MC5R: variants seen among roughly 807,000 people sequenced by gnomAD.
MC5R encodes melanocortin receptor 5.
For missense variants in MC5R, 420 were observed against 431.4 expected (o/e 0.97, Z 0.23); for synonymous variants, 167 against 164.4 (o/e 1.02, Z -0.12).
Position 13,826,748 on chromosome 18 carries a change from A to G in MC5R, c.*5A>G. ...AGCTTTCCCAGAAGGGATTAAGCACAAAGTGCTCCTCTCTGTGGCTCTGTT... is the reference window on the plus strand; with the variant it reads ...AGCTTTCCCAGAAGGGATTAAGCACGAAGTGCTCCTCTCTGTGGCTCTGTT... On this transcript the variant is annotated 3_prime_UTR_variant, in exon 2 of 2. Coordinates refer to ENST00000589410, the MANE Select transcript of MC5R (RefSeq NM_005913.3). The G allele has an allele frequency of 1.3e-6, 2 of 1,598,916 alleles. No individual in the cohort carries two copies. Among genetic ancestry groups the G allele is most frequent in the African/African-American group, 1.3e-5 (1 of 74,812 alleles).
chr18:13,824,230 C>T lies in MC5R; in HGVS notation c.-84C>T, dbSNP rs1260451159. Reference sequence around the variant, plus strand: ...GCACGGCCGTCGGATCCCGGGGACGCCGGGGGCCCGGGCTGAGCGCCGCGG... The same window carrying T: ...GCACGGCCGTCGGATCCCGGGGACGTCGGGGGCCCGGGCTGAGCGCCGCGG... On this transcript the variant is annotated 5_prime_UTR_variant, in exon 1 of 2. Transcript: ENST00000589410. The T allele has an allele frequency of 6.6e-6, 1 of 152,218 alleles. No homozygotes were observed. Among genetic ancestry groups the T allele is most frequent in the Non-Finnish European group, 1.5e-5 (1 of 68,042 alleles). 9.4% of individuals were successfully genotyped at this position (152,218 alleles called of 1,614,324 possible).
chr18:13,824,904 A>G (rs1328964186), intron 1 of MC5R, among the ~76,000 whole-genome samples: 1 of 152,152 alleles, frequency 6.6e-6, no homozygotes, highest in Non-Finnish European at 1.5e-5. Flanking sequence ...AAAAATAGGT[A>G]TTGAGGGAAA....
In MC5R at chr18:13,826,495, C is replaced by T. The variant is rs775605622; in HGVS notation, c.730C>T (p.Leu244=). ...GGGCGCGGTCACCGTCACCATGCTG[C>T]TGGGCGTGTTTACCGTGTGCTGGGC... ...MQGAVTVTML[L]GVFTVCWAPF... The change falls in exon 2 of 2, where the codon CTG becomes TTG. Residue 244 remains leucine (L), a synonymous_variant. Transcript: ENST00000589410. The T allele has an allele frequency of 1.9e-6, 3 of 1,613,566 alleles. No homozygotes were observed. The highest frequency in any genetic ancestry group is 2.5e-6 in the Non-Finnish European group (3 of 1,179,650).
chr18:13,825,490 G>A (rs1598443977), intron 1 of MC5R: 2 of 328,974 alleles, frequency 6.1e-6, no homozygotes, highest in East Asian at 5.6e-5. Context: ...AGCACTTTGG[G>A]AGGCTGAGAG....
chr18:13,826,788 C>A lies in MC5R; in HGVS notation c.*45C>A. The stretch of plus-strand genomic sequence containing the variant: ...GTGGCTCTGTTCTCCTTTGTTTGCT[C>A]ACCTATGACAAAGCGACAGCCAAGG... On this transcript the variant is annotated 3_prime_UTR_variant, in exon 2 of 2. Transcript: ENST00000589410. 6.5e-7 allele frequency: 1 copy of A among 1,535,082 alleles called. No homozygotes were observed. Among genetic ancestry groups the A allele is most frequent in the South Asian group, 1.3e-5 (1 of 78,178 alleles).
At position 13,826,870 on chromosome 18, in the gene MC5R, A is replaced by G; in HGVS notation, c.*127A>G. The G allele has an allele frequency of 2.0e-6, 2 of 998,372 alleles. No homozygotes were observed. Among genetic ancestry groups the G allele is most frequent in the Non-Finnish European group, 2.9e-6 (2 of 688,572 alleles). 61.8% of individuals were successfully genotyped at this position (998,372 alleles called of 1,614,324 possible). A position where few individuals can be genotyped will look rare whatever the true frequency, so the allele number is the denominator to read the frequency against. On this transcript the variant is annotated 3_prime_UTR_variant, in exon 2 of 2. Transcript: ENST00000589410. ...TCTTTACCAGCTCAGACATGGGCCT[A>G]AGAGGCTCTCTCTGTTCAGTTCCTG...
Position 13,826,796 on chromosome 18 carries a change from A to G in MC5R, c.*53A>G. 2.6e-6 allele frequency: 4 copies of G among 1,527,874 alleles called. No individual in the cohort carries two copies. The South Asian group carries it at 5.2e-5, about 20-fold the overall frequency. 94.6% of individuals were successfully genotyped at this position (1,527,874 alleles called of 1,614,324 possible). On this transcript the variant is annotated 3_prime_UTR_variant, in exon 2 of 2. Coordinates refer to ENST00000589410, the MANE Select transcript of MC5R (RefSeq NM_005913.3). ...GTTCTCCTTTGTTTGCTCACCTATG[A>G]CAAAGCGACAGCCAAGGGGTAGGCG...
Position 13,826,597 on chromosome 18 carries a change from AAT to A in MC5R, c.835_836del (p.Met279ValfsTer8), listed in dbSNP as rs1402206142. ...CTGCTCTCGCTTCATGTCTCACTTC[AAT>A]ATGTACCTCATACTCATCATGTGTA... Reference protein sequence around the residue: ...LYCSRFMSHFNMYLILIMCNS... With the variant: ...LYCSRFMSHFXMYLILIMCNS... On this transcript the variant is annotated frameshift_variant, in exon 2 of 2. Transcript: ENST00000589410. LOFTEE classifies it low-confidence loss of function (END_TRUNC). 6.2e-7 allele frequency: 1 copy of A among 1,614,046 alleles called. No homozygotes were observed. Among genetic ancestry groups the A allele is most frequent in the South Asian group, 1.1e-5 (1 of 91,070 alleles).
intron 1 of MC5R, 200 bp from the exon 2 acceptor site, chr18:13,825,527 G>C: frequency 2.6e-6 from 1 of 390,204 alleles, no homozygotes; most frequent in Non-Finnish European, 4.4e-6. Flanking sequence ...CCAGGAGTTT[G>C]AGACCAGACT....
chr18:13,826,495 C>A lies in MC5R; in HGVS notation c.730C>A (p.Leu244Met), dbSNP rs775605622. 28 of 1,613,684 alleles carry A rather than the reference C, an allele frequency of 1.7e-5. 1 individual carries two copies. The Admixed American group carries it at 4.5e-4, about 26-fold the overall frequency. ...MQGAVTVTMLLGVFTVCWAPF... is the reference protein window; with the variant it reads ...MQGAVTVTMLMGVFTVCWAPF... Reference sequence around the variant, plus strand: ...GGGCGCGGTCACCGTCACCATGCTGCTGGGCGTGTTTACCGTGTGCTGGGC... The same window carrying A: ...GGGCGCGGTCACCGTCACCATGCTGATGGGCGTGTTTACCGTGTGCTGGGC... Residue 244 changes from leucine to methionine, a missense_variant, in exon 2 of 2, where the codon CTG becomes ATG. Coordinates refer to ENST00000589410, the MANE Select transcript of MC5R (RefSeq NM_005913.3).
Position 13,826,602 on chromosome 18 carries a change from G to A in MC5R, c.837G>A (p.Met279Ile). 6.2e-7 allele frequency: 1 copy of A among 1,614,080 alleles called. No individual in the cohort carries two copies. The highest frequency in any genetic ancestry group is 1.1e-5 in the South Asian group (1 of 91,088). Reference sequence around the variant, plus strand: ...CTCGCTTCATGTCTCACTTCAATATGTACCTCATACTCATCATGTGTAATT... The same window carrying A: ...CTCGCTTCATGTCTCACTTCAATATATACCTCATACTCATCATGTGTAATT... ...YCSRFMSHFN[M>I]YLILIMCNSV... The change falls in exon 2 of 2, where the codon ATG (methionine) becomes ATA (isoleucine). Residue 279 changes from methionine to isoleucine, a missense_variant. Met to Ile is a conservative substitution (Grantham distance 10). Transcript: ENST00000589410.
intron 1 of MC5R, chr18:13,825,490 G>C (rs1598443977): frequency 3.0e-6 from 1 of 328,856 alleles, no homozygotes; most frequent in Non-Finnish European, 5.5e-6. Context: ...AGCACTTTGG[G>C]AGGCTGAGAG....
chr18:13,826,559 C>G lies in MC5R; in HGVS notation c.794C>G (p.Pro265Arg), dbSNP rs1299250177. ...CATCTCACTTTAATGCTTTCTTGCC[C>G]TCAGAACCTCTACTGCTCTCGCTTC... ...FLHLTLMLSCPQNLYCSRFMS... is the reference protein window; with the variant it reads ...FLHLTLMLSCRQNLYCSRFMS... The change falls in exon 2 of 2, where the codon CCT becomes CGT. Residue 265 changes from proline (P) to arginine (R), a missense_variant. Physicochemically the swap from Pro to Arg is moderately radical, Grantham distance 103. Transcript: ENST00000589410. 1.9e-6 allele frequency: 3 copies of G among 1,614,036 alleles called. No individual in the cohort carries two copies. In the African/African-American group the frequency reaches 4.0e-5, roughly 22 times the overall value.
At position 13,826,011 on chromosome 18, in the gene MC5R, C is replaced by T. The variant is rs1488013903; in HGVS notation, c.246C>T (p.Asp82=). 2 of 1,613,996 alleles carry T rather than the reference C, an allele frequency of 1.2e-6. No individual in the cohort carries two copies. The highest frequency in any genetic ancestry group is 2.2e-5 in the East Asian group (1 of 44,878). ...YFFVCSLAVA[D]MLVSMSSAWE... ...TCGTGTGCAGCCTGGCAGTGGCGGA[C>T]ATGCTGGTGAGCATGTCCAGTGCCT... The change falls in exon 2 of 2, where the codon GAC becomes GAT. Residue 82 remains aspartate, a synonymous_variant. Transcript: ENST00000589410.
chr18:13,825,852 G>T lies in MC5R; in HGVS notation c.87G>T (p.Lys29Asn). 1 of 1,613,962 alleles carries T rather than the reference G, an allele frequency of 6.2e-7. No individual in the cohort carries two copies. The highest frequency in any genetic ancestry group is 8.5e-7 in the Non-Finnish European group (1 of 1,179,998). The part of the protein sequence containing the change: ...GNLSGPNVKN[K>N]SSPCEDMGIA... ...TTTCAGGACCCAATGTCAAAAACAA[G>T]TCTTCACCATGTGAAGACATGGGCA... Residue 29 changes from lysine to asparagine, a missense_variant, in exon 2 of 2, where the codon AAG (lysine) becomes AAT (asparagine). Physicochemically the swap from Lys to Asn is moderately conservative, Grantham distance 94. Coordinates refer to ENST00000589410, the MANE Select transcript of MC5R (RefSeq NM_005913.3).
intron 1 of MC5R, among the ~76,000 whole-genome samples, chr18:13,824,849 T>C (rs1240086201): frequency 1.3e-5 from 2 of 151,936 alleles, no homozygotes; most frequent in South Asian, 2.1e-4. Context: ...CCTAATAAAC[T>C]ATCAAGCAGA....
Position 13,826,733 on chromosome 18 carries a change from G to C in MC5R, c.968G>C (p.Arg323Thr), listed in dbSNP as rs1226250427. 4 of 1,607,762 alleles carry C rather than the reference G, an allele frequency of 2.5e-6. No homozygotes were observed. Among genetic ancestry groups the C allele is most frequent in the Non-Finnish European group, 3.4e-6 (4 of 1,177,578 alleles). The change falls in exon 2 of 2, where the codon AGA becomes ACA. Residue 323 changes from arginine to threonine, a missense_variant. Physicochemically the swap from Arg to Thr is moderately conservative, Grantham distance 71. Coordinates refer to ENST00000589410, the MANE Select transcript of MC5R (RefSeq NM_005913.3). ...TTCAGGATCGCCTGCAGCTTTCCCA[G>C]AAGGGATTAAGCACAAAGTGCTCCT... ...RGFRIACSFP[R>T]RD
In MC5R at chr18:13,824,258, C is replaced by G. The variant is rs1436751067; in HGVS notation, c.-56C>G. 6.6e-6 allele frequency: 1 copy of G among 152,224 alleles called. No individual in the cohort carries two copies. Among genetic ancestry groups the G allele is most frequent in the Admixed American group, 6.5e-5 (1 of 15,290 alleles). The allele number at this position is 152,224 out of a possible 1,614,324, so 9.4% of individuals were successfully genotyped here. ...GGGGCCCGGGCTGAGCGCCGCGGCC[C>G]GCGAGGAGGAGCACCGGTAAATAGC... On this transcript the variant is annotated 5_prime_UTR_variant, in exon 1 of 2. Coordinates refer to ENST00000589410, the MANE Select transcript of MC5R (RefSeq NM_005913.3).
At chr18:13,825,063 G>A (rs143092078) in intron 1 of MC5R, among the ~76,000 whole-genome samples, 2 of 152,138 alleles carry the variant, frequency 1.3e-5, no homozygotes, top group Admixed American at 6.5e-5. Context: ...AATCCTGATG[G>A]GTCTAAGAAG....
Sources: allele counts gnomAD v4.1 joint callset (sites outside exome capture counted in the v4.1 genomes callset), GRCh38; gene constraint gnomAD v4.1.1; transcripts MANE v1.5; gene names NCBI Gene and HGNC (gene_info 2026-07-23, HGNC 2026-07-21).